The following EXOC4 variants were observed in gnomAD, a reference collection of about 807,000 sequenced individuals.
EXOC4 encodes the protein SEC8-like 1.
A neutral mutation model predicts 107.2 loss-of-function variants in EXOC4; 71 were observed. The observed-to-expected ratio is 0.66, with a 90% confidence interval of 0.55 to 0.81. The LOEUF (loss-of-function observed/expected upper bound fraction) is 0.81, where lower values mean the gene tolerates loss of function less well. Among genes scored for constraint, EXOC4 ranks in the 30% least tolerant of loss-of-function variants. EXOC4 has a pLI of 0.00. For synonymous variants in EXOC4, 456 were observed against 441.2 expected, an observed-to-expected ratio of 1.03 and a Z score of -0.42; for missense variants, 1,108 against 1,189.6, an observed-to-expected ratio of 0.93 and a Z score of 1.01.
chr7:133,360,374 T>C (rs1297967855), intron 6 of EXOC4, among the ~76,000 whole-genome samples: 1 of 152,176 alleles, frequency 6.6e-6, no homozygotes, highest in Non-Finnish European at 1.5e-5. Context: ...GTGAGGGAAA[T>C]GGACCTGTTT....
At chr7:133,390,697 C>G (rs533538998) in intron 7 of EXOC4, among the ~76,000 whole-genome samples, 2 of 152,268 alleles carry the variant, frequency 1.3e-5, no homozygotes, top group South Asian at 4.1e-4. Context: ...TCTCTTATAT[C>G]CAGAGACTAC....
At chr7:134,042,980 G>T (rs1446171891) in intron 17 of EXOC4, among the ~76,000 whole-genome samples, 1 of 152,226 alleles carries the variant, frequency 6.6e-6, no homozygotes, top group East Asian at 1.9e-4. Context: ...GGTGGAGGTT[G>T]CAGTTAGCCG....
chr7:133,366,679 C>G (rs1228790626), intron 6 of EXOC4, among the ~76,000 whole-genome samples: 1 of 152,176 alleles, frequency 6.6e-6, no homozygotes, highest in East Asian at 1.9e-4. Context: ...TATCTGTAAT[C>G]AGGCCTCTCT....
Position 133,748,421 on chromosome 7 carries a change from G to C in EXOC4, c.1515-68904G>C, listed in dbSNP as rs191668144. ...GAAAGTGAAGCCTATCAATCAATGAGCCCCAGGGATGAGAGGAACCACATG... is the reference window on the plus strand; with the variant it reads ...GAAAGTGAAGCCTATCAATCAATGACCCCCAGGGATGAGAGGAACCACATG... On this transcript the variant is annotated intron_variant, in intron 10 of 17. Transcript: ENST00000253861. Among the ~76,000 whole-genome samples, 181 of 152,210 alleles carry C rather than the reference G, an allele frequency of 1.2e-3. 1 individual carries two copies. The highest frequency in any genetic ancestry group is 4.2e-3 in the African/African-American group (176 of 41,530).
At chr7:133,662,314 G>A (rs1793712420) in intron 10 of EXOC4, among the ~76,000 whole-genome samples, 1 of 152,054 alleles carries the variant, frequency 6.6e-6, no homozygotes, top group Admixed American at 6.6e-5. Context: ...TGATGAGATA[G>A]CAAAGGACAC....
chr7:134,078,997 T>A, the EXOC4 span, among the ~76,000 whole-genome samples: 1 of 152,138 alleles, frequency 6.6e-6, no homozygotes, highest in Non-Finnish European at 1.5e-5. Flanking sequence ...TCGCCCCACA[T>A]CCCACCCTCC....
At chr7:133,539,770 A>G (rs1406343300) in intron 9 of EXOC4, among the ~76,000 whole-genome samples, 3 of 152,144 alleles carry the variant, frequency 2.0e-5, no homozygotes, top group Non-Finnish European at 2.9e-5. Flanking sequence ...AGATCCCATC[A>G]TTGATGGGGC....
intron 14 of EXOC4, among the ~76,000 whole-genome samples, chr7:133,991,273 GT>G (rs149031374): frequency 2.6e-5 from 4 of 151,192 alleles, no homozygotes; most frequent in South Asian, 2.1e-4. Flanking sequence ...ATTATTTGTT[GT>G]TTTTTTTGTT....
chr7:133,335,124 A>G (rs1033361918), intron 5 of EXOC4, among the ~76,000 whole-genome samples: 2 of 152,230 alleles, frequency 1.3e-5, no homozygotes, highest in African/African-American at 4.8e-5. Context: ...GTATCGTTAA[A>G]TTTCTAGAAG....
At chr7:133,493,624 C>A (rs1437508329) in intron 9 of EXOC4, among the ~76,000 whole-genome samples, 1 of 152,094 alleles carries the variant, frequency 6.6e-6, no homozygotes, top group African/African-American at 2.4e-5. Flanking sequence ...CTAGTAGTAT[C>A]TCTTAGAATG....
chr7:133,456,035 T>C (rs1229603697), intron 7 of EXOC4, among the ~76,000 whole-genome samples: 1 of 152,248 alleles, frequency 6.6e-6, no homozygotes, highest in African/African-American at 2.4e-5. Flanking sequence ...TTGGTTGATA[T>C]GCTTCATTCT....
chr7:133,603,806 C>T (rs933480738), intron 9 of EXOC4, among the ~76,000 whole-genome samples: 1 of 152,138 alleles, frequency 6.6e-6, no homozygotes, highest in East Asian at 1.9e-4. Context: ...TTATGAATAT[C>T]GTGCACTTAG....
chr7:133,286,592 T>A (rs1261537982), intron 2 of EXOC4, among the ~76,000 whole-genome samples: 1 of 152,196 alleles, frequency 6.6e-6, no homozygotes, highest in Non-Finnish European at 1.5e-5. Context: ...CCATAATGAT[T>A]GGGTAGGGAC....
intron 17 of EXOC4, among the ~76,000 whole-genome samples, chr7:134,016,355 G>A (rs1381672663): frequency 1.3e-5 from 2 of 152,264 alleles, no homozygotes; most frequent in Admixed American, 6.5e-5. Flanking sequence ...ACCCAAAAGG[G>A]CATGAGAAGG....
chr7:134,056,475 C>A (rs1795926949), intron 17 of EXOC4, among the ~76,000 whole-genome samples: 1 of 152,294 alleles, frequency 6.6e-6, no homozygotes, highest in Admixed American at 6.5e-5. Context: ...TTGGCAAGTG[C>A]AAACAGAAAT....
Position 133,604,906 on chromosome 7 carries a change from G to A in EXOC4, c.1418-25139G>A, listed in dbSNP as rs578242062. On this transcript the variant is annotated intron_variant, in intron 9 of 17. Transcript: ENST00000253861. ...ACCCAGCTAATATTTTTTATTTTTC[G>A]TGGAGATGAGATTTCACCATGCTGT... Among the ~76,000 whole-genome samples the A allele has an allele frequency of 4.0e-5, 6 of 150,972 alleles. No homozygotes were observed. The East Asian group carries it at 5.8e-4, about 15-fold the overall frequency.
chr7:134,006,837 C>G (rs1404651259), intron 16 of EXOC4, among the ~76,000 whole-genome samples: 1 of 152,218 alleles, frequency 6.6e-6, no homozygotes, highest in Non-Finnish European at 1.5e-5. Flanking sequence ...ATATGTGCCT[C>G]ACGTTGTTCT....
At position 133,381,495 on chromosome 7, in the gene EXOC4, A is replaced by G. The variant is rs1465982865; in HGVS notation, c.1182+6493A>G. Reference sequence around the variant, plus strand: ...GCACTCCAGGCAGATGGAAAGGCTCATGAGATAGTATTTGCAAGTGGCAAA... The same window carrying G: ...GCACTCCAGGCAGATGGAAAGGCTCGTGAGATAGTATTTGCAAGTGGCAAA... On this transcript the variant is annotated intron_variant, in intron 7 of 17. Transcript: ENST00000253861. 3.3e-5 allele frequency among the ~76,000 whole-genome samples: 5 copies of G among 152,116 alleles called. No homozygotes were observed. The East Asian group carries it at 9.6e-4, about 29-fold the overall frequency.
At chr7:133,259,613 A>G (rs915366523) in intron 1 of EXOC4, among the ~76,000 whole-genome samples, 2 of 152,198 alleles carry the variant, frequency 1.3e-5, no homozygotes, top group East Asian at 3.8e-4. Flanking sequence ...TTGTTTTAAA[A>G]ATAGTACTCT....
Sources: gnomAD v4.1 joint callset for allele counts (sites outside exome capture counted in the v4.1 genomes callset) on GRCh38, gnomAD v4.1.1 for gene constraint, MANE v1.5 for transcripts, NCBI Gene and HGNC (gene_info 2026-07-23, HGNC 2026-07-21) for gene names.